The following PCAT7 variants were observed in gnomAD, a reference collection of about 807,000 sequenced individuals.
PCAT7 encodes prostate cancer associated transcript 7 (non-protein coding).
At chr9:94,554,863 C>A (rs566295021), upstream of PCAT7, among the ~76,000 whole-genome samples, 1 of 152,174 alleles carries the variant, frequency 6.6e-6, no homozygotes, top group Non-Finnish European at 1.5e-5. Context: ...TAGTAGCTCC[C>A]CACACCCACA....
chr9:94,573,197 T>G (rs569040412), intron 3 of PCAT7: 1 of 152,292 alleles, frequency 6.6e-6, no homozygotes, highest in East Asian at 1.9e-4. Flanking sequence ...TTAAATGTAA[T>G]GCTAGCTGTA....
At chr9:94,571,585 A>C (rs1827270577) in intron 2 of PCAT7, 1 of 1,613,434 alleles carries the variant, frequency 6.2e-7, no homozygotes, top group East Asian at 2.2e-5. Context: ...CCTTTTCAGA[A>C]GGCTCATCCT....
intron 2 of PCAT7, chr9:94,563,546 T>C: frequency 6.7e-7 from 1 of 1,488,240 alleles, no homozygotes; most frequent in Non-Finnish European, 9.2e-7. Flanking sequence ...CCAGTTGGTG[T>C]GACCTCTGCC....
At chr9:94,568,156 A>C (rs1381850736) in intron 2 of PCAT7, 1 of 151,216 alleles carries the variant, frequency 6.6e-6, no homozygotes, top group Admixed American at 6.6e-5. Flanking sequence ...TGGTACAGTT[A>C]TTTTGTTTAT....
At position 94,561,751 on chromosome 9, in the gene PCAT7, G is replaced by C. The variant is rs1368296921; in HGVS notation, n.441+2599G>C. On this transcript the variant is annotated intron_variant and non_coding_transcript_variant, in intron 2 of 8. Coordinates refer to ENST00000647389, the Ensembl canonical transcript of PCAT7. ...ATAGGAGTGTGCACATGCACACACA[G>C]ACACACACACACAGAGAGACGTCGG... 2.0e-5 allele frequency among the ~76,000 whole-genome samples: 3 copies of C among 152,002 alleles called. No individual in the cohort carries two copies. In the East Asian group the frequency reaches 5.8e-4, roughly 29 times the overall value.
chr9:94,557,895 C>G (rs1193768086), intron 1 of PCAT7, among the ~76,000 whole-genome samples: 1 of 152,216 alleles, frequency 6.6e-6, no homozygotes, highest in Admixed American at 6.5e-5. Flanking sequence ...AACCCCTCCC[C>G]AGTCTTAACA....
chr9:94,561,018 A>G (rs111407608), intron 2 of PCAT7, among the ~76,000 whole-genome samples: 10,917 of 152,122 alleles, frequency 0.072, 475 homozygotes, highest in South Asian at 0.16. Flanking sequence ...TCTGTCCCTC[A>G]TTACCCACAG....
chr9:94,567,635 C>T (rs1827210689), intron 2 of PCAT7: 1 of 496,818 alleles, frequency 2.0e-6, no homozygotes, highest in African/African-American at 1.9e-5. Flanking sequence ...AGCAGGAAGA[C>T]AATTCTAAGG....
At chr9:94,564,456 A>C (rs1827156557) in intron 2 of PCAT7, among the ~76,000 whole-genome samples, 2 of 152,252 alleles carry the variant, frequency 1.3e-5, no homozygotes, top group South Asian at 4.1e-4. Flanking sequence ...TGCTACATAT[A>C]CACAATGGAA....
chr9:94,563,080 A>C (rs113649547), intron 2 of PCAT7, among the ~76,000 whole-genome samples: 14 of 152,362 alleles, frequency 9.2e-5, no homozygotes, highest in African/African-American at 3.4e-4. Flanking sequence ...CAGCTGGTTC[A>C]TGGTGAACGG....
At chr9:94,562,199 T>C (rs1233353522) in intron 2 of PCAT7, among the ~76,000 whole-genome samples, 4 of 150,490 alleles carry the variant, frequency 2.7e-5, no homozygotes, top group African/African-American at 9.8e-5. Flanking sequence ...TAGTCCCAGC[T>C]ACTCTGAGGC....
intron 2 of PCAT7, among the ~76,000 whole-genome samples, chr9:94,566,145 CTTCT>C (rs1326530604): frequency 6.6e-6 from 1 of 152,200 alleles, no homozygotes; most frequent in Non-Finnish European, 1.5e-5. Context: ...CTCCTTTTGA[CTTCT>C]TTTTGTTTCC....
chr9:94,563,054 T>C (rs116799517), intron 2 of PCAT7, among the ~76,000 whole-genome samples: 64 of 152,296 alleles, frequency 4.2e-4, no homozygotes, highest in African/African-American at 1.5e-3. Context: ...ATGCAGCCTG[T>C]GGAAAGTGAG....
chr9:94,562,472 G>T (rs535896592), intron 2 of PCAT7, among the ~76,000 whole-genome samples: 1 of 152,248 alleles, frequency 6.6e-6, no homozygotes, highest in South Asian at 2.1e-4. Flanking sequence ...CTCACATGAA[G>T]AGAAACACCT....
At chr9:94,568,741 A>G (rs1255936814) in intron 2 of PCAT7, 1 of 152,114 alleles carries the variant, frequency 6.6e-6, no homozygotes, top group Non-Finnish European at 1.5e-5. Flanking sequence ...CAACTAAACA[A>G]TCCTTTCCTG....
upstream of PCAT7, among the ~76,000 whole-genome samples, chr9:94,554,672 G>C (rs532272471): frequency 6.6e-6 from 1 of 152,344 alleles, no homozygotes; most frequent in South Asian, 2.1e-4. Context: ...CCAGCACGCG[G>C]CGGTGCCTCT....
intron 2 of PCAT7, among the ~76,000 whole-genome samples, chr9:94,564,416 C>A (rs190615288): frequency 6.6e-6 from 1 of 152,150 alleles, no homozygotes; most frequent in African/African-American, 2.4e-5. Flanking sequence ...AACCTAAATG[C>A]CCATCAGTGG....
intron 2 of PCAT7, chr9:94,570,528 TCTAA>T (rs1270922900): frequency 2.6e-4 from 39 of 152,340 alleles, no homozygotes; most frequent in Middle Eastern, 3.4e-3. Flanking sequence ...CGAAGAATTA[TCTAA>T]CTCTTAGCTG....
intron 2 of PCAT7, among the ~76,000 whole-genome samples, chr9:94,571,083 T>G (rs1564183226): frequency 6.6e-6 from 1 of 152,276 alleles, no homozygotes; most frequent in Non-Finnish European, 1.5e-5. Context: ...GTGAAATTCA[T>G]GGAGCATTCT....
Sources: gnomAD v4.1 joint callset for allele counts (sites outside exome capture counted in the v4.1 genomes callset) on GRCh38, gnomAD v4.1.1 for gene constraint, MANE v1.5 for transcripts, NCBI Gene and HGNC (gene_info 2026-07-23, HGNC 2026-07-21) for gene names.